The following PPFIA2 variants were observed in gnomAD, a reference collection of about 807,000 sequenced individuals.
The protein encoded by PPFIA2 is PPFI scaffold protein A2.
A neutral mutation model predicts 175.5 loss-of-function variants in PPFIA2; 46 were observed. That is an observed-to-expected ratio of 0.26 (90% CI 0.21 to 0.34). PPFIA2 has a LOEUF of 0.34. PPFIA2 is among the 10% of genes least tolerant of loss of function. The pLI, the probability that PPFIA2 is intolerant of heterozygous loss-of-function variation, is 1.00. For synonymous variants in PPFIA2, 568 were observed against 511.4 expected (o/e 1.11, Z -1.49); for missense variants, 1,179 against 1,506.1 (o/e 0.78, Z 3.60).
intron 3 of PPFIA2, among the ~76,000 whole-genome samples, chr12:81,726,221 C>CT (rs2080055978): frequency 6.6e-6 from 1 of 151,216 alleles, no homozygotes; most frequent in African/African-American, 2.4e-5. Context: ...TACTCGAAGA[C>CT]AGTACTCCAG....
intron 28 of PPFIA2, among the ~76,000 whole-genome samples, chr12:81,268,797 ACTGT>A (rs2038211443): frequency 6.6e-6 from 1 of 152,208 alleles, no homozygotes; most frequent in South Asian, 2.1e-4. Flanking sequence ...AGATTGTAAT[ACTGT>A]CTTTCATCAG....
intron 4 of PPFIA2, among the ~76,000 whole-genome samples, chr12:81,519,215 T>C (rs1261823646): frequency 6.6e-6 from 1 of 152,188 alleles, no homozygotes; most frequent in Non-Finnish European, 1.5e-5. Flanking sequence ...AACTCTTACA[T>C]TGGTCCATTA....
intron 11 of PPFIA2, 108 bp from the exon 12 acceptor site, chr12:81,369,302 T>C (rs1295134636): frequency 7.2e-6 from 11 of 1,527,928 alleles, no homozygotes; most frequent in African/African-American, 4.1e-5. Flanking sequence ...ACTGCAAACA[T>C]AGTTTTTAAA....
At chr12:81,636,187 T>G (rs1375954340) in intron 4 of PPFIA2, among the ~76,000 whole-genome samples, 1 of 152,098 alleles carries the variant, frequency 6.6e-6, no homozygotes, top group Non-Finnish European at 1.5e-5. Context: ...GTTCTATCCC[T>G]CTAGACATTA....
intron 4 of PPFIA2, among the ~76,000 whole-genome samples, chr12:81,479,779 T>A (rs142198761): frequency 2.0e-5 from 3 of 152,270 alleles, no homozygotes; most frequent in African/African-American, 7.2e-5. Context: ...AGATCCGTGG[T>A]TAGTCTGATG....
intron 11 of PPFIA2, among the ~76,000 whole-genome samples, chr12:81,373,619 G>A (rs894916943): frequency 1.1e-4 from 17 of 151,978 alleles, no homozygotes; most frequent in Admixed American, 7.2e-4. Flanking sequence ...CCTGCTCTAC[G>A]CAGTCAAAGG....
At chr12:81,359,179 C>A (rs1566422966) in intron 15 of PPFIA2, among the ~76,000 whole-genome samples, 2 of 151,956 alleles carry the variant, frequency 1.3e-5, no homozygotes, top group Non-Finnish European at 2.9e-5. Flanking sequence ...GAGGCTCCTG[C>A]TGATTGACTA....
chr12:81,642,686 T>TGTATATAA (rs57341576), intron 4 of PPFIA2, among the ~76,000 whole-genome samples: 2 of 86,970 alleles, frequency 2.3e-5, no homozygotes, highest in African/African-American at 7.9e-5. Context: ...TATGTATCTA[T>TGTATATAA]TATATACATA....
chr12:81,699,904 G>A (rs899151490), intron 3 of PPFIA2, among the ~76,000 whole-genome samples: 6 of 151,758 alleles, frequency 4.0e-5, no homozygotes, highest in Non-Finnish European at 8.8e-5. Context: ...ATCTTATTTT[G>A]CCAAGAGTAA....
chr12:81,632,257 T>C (rs562551444), intron 4 of PPFIA2, among the ~76,000 whole-genome samples: 73 of 152,266 alleles, frequency 4.8e-4, no homozygotes, highest in African/African-American at 1.7e-3. Context: ...TTTTTTATTA[T>C]AGTAATCACA....
intron 16 of PPFIA2, among the ~76,000 whole-genome samples, chr12:81,355,311 C>T (rs1282284640): frequency 2.0e-5 from 3 of 152,106 alleles, no homozygotes; most frequent in Admixed American, 6.6e-5. Flanking sequence ...ATTCAGTAAA[C>T]CATGCTGTAA....
At chr12:81,539,661 G>A (rs910313970) in intron 4 of PPFIA2, among the ~76,000 whole-genome samples, 1 of 151,770 alleles carries the variant, frequency 6.6e-6, no homozygotes, top group Non-Finnish European at 1.5e-5. Flanking sequence ...AGTAGAATTT[G>A]GGGTAAAAAT....
At chr12:81,755,415 G>C (rs1413590951) in intron 2 of PPFIA2, among the ~76,000 whole-genome samples, 1 of 152,112 alleles carries the variant, frequency 6.6e-6, no homozygotes, top group Non-Finnish European at 1.5e-5. Flanking sequence ...TTTGGCTGTT[G>C]ATCCTGAAGC....
intron 8 of PPFIA2, among the ~76,000 whole-genome samples, chr12:81,386,441 T>G (rs2038983191): frequency 6.6e-6 from 1 of 151,616 alleles, no homozygotes; most frequent in Admixed American, 6.6e-5. Flanking sequence ...CTGGGCAACA[T>G]GGGGAGACTC....
intron 4 of PPFIA2, among the ~76,000 whole-genome samples, chr12:81,471,554 A>G (rs1464401572): frequency 6.6e-6 from 1 of 151,068 alleles, no homozygotes; most frequent in East Asian, 1.9e-4. Flanking sequence ...ATTGATGGAC[A>G]TTTAGGTTGT....
intron 9 of PPFIA2, among the ~76,000 whole-genome samples, chr12:81,380,995 TG>T (rs2037544060): frequency 8.2e-6 from 1 of 121,900 alleles, no homozygotes; most frequent in Non-Finnish European, 1.8e-5. Flanking sequence ...TGTGTGTGTG[TG>T]TGTGTGTATA....
In PPFIA2 at chr12:81,383,412, T is replaced by G. The variant is rs2038200467; in HGVS notation, c.984+611A>C. Among the ~76,000 whole-genome samples, 4 of 152,098 alleles carry G rather than the reference T, an allele frequency of 2.6e-5. No homozygotes were observed. In the South Asian group the frequency reaches 8.3e-4, roughly 31 times the overall value. On this transcript the variant is annotated intron_variant, in intron 9 of 32. Transcript: ENST00000549396. Reference sequence around the variant, plus strand: ...TAGCAGGTAAAATGATTTGACAGTGTTACAAATTAAACATCTCCTAGTATT... The same window carrying G: ...TAGCAGGTAAAATGATTTGACAGTGGTACAAATTAAACATCTCCTAGTATT...
In PPFIA2 at chr12:81,609,444, A is replaced by G. The variant is rs1001546968; in HGVS notation, c.303+67347T>C. Among the ~76,000 whole-genome samples, 9 of 152,074 alleles carry G rather than the reference A, an allele frequency of 5.9e-5. 1 individual carries two copies. The highest frequency in any genetic ancestry group is 2.2e-4 in the African/African-American group (9 of 41,420). On this transcript the variant is annotated intron_variant, in intron 4 of 32. Coordinates refer to ENST00000549396, the MANE Select transcript of PPFIA2 (RefSeq NM_003625.5). ...AGGCCAAGAAGAACTTGTTTTATTA[A>G]ACTGGGTGCTCCAATGTTGGGTATG...
chr12:81,267,130 T>A, intron 29 of PPFIA2, 110 bp from the exon 30 acceptor site: 1 of 843,908 alleles, frequency 1.2e-6, no homozygotes, highest in Non-Finnish European at 1.9e-6. Flanking sequence ...TATTTATGGG[T>A]TTTGAAGTTT....
Sources: gnomAD v4.1 joint callset for allele counts (sites outside exome capture counted in the v4.1 genomes callset) on GRCh38, gnomAD v4.1.1 for gene constraint, MANE v1.5 for transcripts, NCBI Gene and HGNC (gene_info 2026-07-23, HGNC 2026-07-21) for gene names.